Variants in LOC400499 observed in about 807,000 individuals in gnomAD.
At chr16:11,439,895 T>C in the LOC400499 span, among the ~76,000 whole-genome samples, 1 of 152,000 alleles carries the variant, frequency 6.6e-6, no homozygotes, top group Admixed American at 6.6e-5. Flanking sequence ...AACCAGGCAC[T>C]GTGCTACCAG....
At chr16:11,487,014 C>T in the LOC400499 span, among the ~76,000 whole-genome samples, 2 of 150,854 alleles carry the variant, frequency 1.3e-5, no homozygotes, top group Non-Finnish European at 3.0e-5. Context: ...CGTGGATGGA[C>T]GGATGGACAG....
the LOC400499 span, among the ~76,000 whole-genome samples, chr16:11,515,157 A>C: frequency 1.3e-5 from 2 of 152,070 alleles, no homozygotes; most frequent in African/African-American, 4.8e-5. Flanking sequence ...ATTTTTTTTA[A>C]AAAACTAACC....
the LOC400499 span, among the ~76,000 whole-genome samples, chr16:11,433,087 T>C: frequency 6.6e-6 from 1 of 152,208 alleles, no homozygotes; most frequent in Non-Finnish European, 1.5e-5. Flanking sequence ...TCATGCCCAT[T>C]ATTTATGAAT....
chr16:11,423,266 C>G, the LOC400499 span: 2 of 399,082 alleles, frequency 5.0e-6, no homozygotes, highest in Non-Finnish European at 8.8e-6. Flanking sequence ...CCTACAGAGA[C>G]CAGTGGGTGG....
the LOC400499 span, chr16:11,387,422 G>C: frequency 1.4e-6 from 1 of 712,120 alleles, no homozygotes; most frequent in Non-Finnish European, 1.9e-6. Flanking sequence ...CTTTCAGGGA[G>C]GGGCTGTCCT....
the LOC400499 span, among the ~76,000 whole-genome samples, chr16:11,383,275 G>A: frequency 6.6e-6 from 1 of 152,142 alleles, no homozygotes; most frequent in East Asian, 1.9e-4. Context: ...CACCGTGTTA[G>A]CCAGGATGGT....
At chr16:11,436,930 G>A in the LOC400499 span, among the ~76,000 whole-genome samples, 2 of 152,074 alleles carry the variant, frequency 1.3e-5, no homozygotes, top group South Asian at 2.1e-4. Flanking sequence ...TGCTTCCTTA[G>A]ATGAGCTGCT....
the LOC400499 span, among the ~76,000 whole-genome samples, chr16:11,489,209 G>T: frequency 6.6e-6 from 1 of 152,174 alleles, no homozygotes; most frequent in Admixed American, 6.5e-5. Flanking sequence ...GCCTCTCCGA[G>T]CCTCAGTTTC....
At chr16:11,519,993 G>A in the LOC400499 span, among the ~76,000 whole-genome samples, 38 of 152,154 alleles carry the variant, frequency 2.5e-4, no homozygotes, top group East Asian at 1.2e-3. Context: ...ATGAGCCACC[G>A]CGCCCGGCCT....
At chr16:11,417,922 C>T in the LOC400499 span, 2 of 397,882 alleles carry the variant, frequency 5.0e-6, no homozygotes, top group Non-Finnish European at 8.8e-6. Context: ...TCCCACAAAC[C>T]CTGGGGTTAT....
At chr16:11,422,440 CGGAAA>C in the LOC400499 span, among the ~76,000 whole-genome samples, 10 of 151,042 alleles carry the variant, frequency 6.6e-5, no homozygotes, top group Admixed American at 4.0e-4. Context: ...CAGAACGGAA[CGGAAA>C]GGAAAGGAAA....
At chr16:11,446,878 A>C in the LOC400499 span, 55 of 1,535,736 alleles carry the variant, frequency 3.6e-5, no homozygotes, top group Admixed American at 3.7e-4. Context: ...CTGCAGGAGG[A>C]GGCTCTGCGG....
chr16:11,512,054 C>A, the LOC400499 span, among the ~76,000 whole-genome samples: 2 of 151,726 alleles, frequency 1.3e-5, no homozygotes, highest in Non-Finnish European at 2.9e-5. Flanking sequence ...TTTGGGAGGC[C>A]GAGGTGGGCG....
At chr16:11,396,487 G>C in the LOC400499 span, 1 of 1,232,158 alleles carries the variant, frequency 8.1e-7, no homozygotes. Flanking sequence ...CCCAGGGACT[G>C]TCAGCCCCAT....
the LOC400499 span, among the ~76,000 whole-genome samples, chr16:11,473,479 A>G: frequency 6.6e-6 from 1 of 152,188 alleles, no homozygotes; most frequent in Non-Finnish European, 1.5e-5. Flanking sequence ...GTTTCTCATT[A>G]AAACAGCTCA....
chr16:11,504,010 T>C, the LOC400499 span, among the ~76,000 whole-genome samples: 17 of 152,134 alleles, frequency 1.1e-4, no homozygotes, highest in South Asian at 2.1e-4. Flanking sequence ...GCACCCTGGG[T>C]TCGGAAGACG....
At chr16:11,526,563 T>C in the LOC400499 span, among the ~76,000 whole-genome samples, 1 of 152,226 alleles carries the variant, frequency 6.6e-6, no homozygotes, top group African/African-American at 2.4e-5. Flanking sequence ...ACACATTAAA[T>C]GTTGAATGGG....
At chr16:11,466,257 T>C in the LOC400499 span, among the ~76,000 whole-genome samples, 1 of 152,202 alleles carries the variant, frequency 6.6e-6, no homozygotes, top group African/African-American at 2.4e-5. Context: ...TTTGAGTCTA[T>C]ACCAGCGCCA....
chr16:11,468,949 T>C, the LOC400499 span, among the ~76,000 whole-genome samples: 250 of 152,392 alleles, frequency 1.6e-3, no homozygotes, highest in African/African-American at 5.9e-3. Flanking sequence ...AGCATGTTTT[T>C]GTGTTATTAA....
Sources: allele counts gnomAD v4.1 joint callset (sites outside exome capture counted in the v4.1 genomes callset), GRCh38; gene constraint gnomAD v4.1.1; transcripts MANE v1.5.